SMYD4: variants seen among roughly 807,000 people sequenced by gnomAD.
SMYD4 encodes SET and MYND domain containing 4.
A neutral mutation model predicts 72.8 loss-of-function variants in SMYD4; 68 were observed. The ratio of observed to expected loss-of-function variants is 0.93; its 90% CI spans 0.77 to 1.14. The LOEUF is 1.14. Ranked by LOEUF, SMYD4 falls within the 50% of genes most tolerant of loss-of-function variation. The pLI, the probability that SMYD4 is intolerant of heterozygous loss-of-function variation, is 0.00. For synonymous variants in SMYD4, 407 were observed against 388.6 expected (o/e 1.05, Z -0.56); for missense variants, 984 against 1,003.7 (o/e 0.98, Z 0.27).
At chr17:1,828,750 C>T (rs1911346016) in intron 1 of SMYD4, among the ~76,000 whole-genome samples, 1 of 152,018 alleles carries the variant, frequency 6.6e-6, no homozygotes, top group Admixed American at 6.6e-5. Context: ...ATGCGCGCAA[C>T]TACGCCCGGC....
chr17:1,786,397 G>C (rs978985598), intron 7 of SMYD4, among the ~76,000 whole-genome samples: 3 of 152,046 alleles, frequency 2.0e-5, no homozygotes, highest in African/African-American at 4.8e-5. Flanking sequence ...TTTTTTGGTA[G>C]AGACAGGGTC....
At chr17:1,824,559 T>A (rs1354163765) in intron 2 of SMYD4, among the ~76,000 whole-genome samples, 1 of 152,044 alleles carries the variant, frequency 6.6e-6, no homozygotes. Flanking sequence ...GGGAGTGGTT[T>A]CCCCATGCTG....
intron 3 of SMYD4, among the ~76,000 whole-genome samples, chr17:1,810,038 T>C (rs969044328): frequency 2.0e-5 from 3 of 151,840 alleles, no homozygotes; most frequent in Non-Finnish European, 2.9e-5. Context: ...TAAACAATCC[T>C]CCTGCCTCAG....
intron 2 of SMYD4, among the ~76,000 whole-genome samples, chr17:1,815,252 CG>C (rs1169100170): frequency 6.6e-6 from 1 of 151,900 alleles, no homozygotes; most frequent in African/African-American, 2.4e-5. Flanking sequence ...TTAGTAGAGA[CG>C]GGGTTTCACC....
At position 1,828,079 on chromosome 17, in the gene SMYD4, G is replaced by C. The variant is rs535056218; in HGVS notation, c.-12-73C>G. On this transcript the variant is annotated intron_variant, in intron 1 of 10. Coordinates refer to ENST00000305513, the MANE Select transcript of SMYD4 (RefSeq NM_052928.3). The stretch of plus-strand genomic sequence containing the variant: ...GAAAATCAAGAGTTCAGCCAGGTAC[G>C]GTGGCTCACACCTGTAATCCCAGCA... 53 of 1,475,154 alleles carry C rather than the reference G, an allele frequency of 3.6e-5. No individual in the cohort carries two copies. In the South Asian group the frequency reaches 5.2e-4, roughly 15 times the overall value. 91.4% of individuals were successfully genotyped at this position (1,475,154 alleles called of 1,614,324 possible).
At chr17:1,806,496 T>C (rs1910041003) in intron 3 of SMYD4, among the ~76,000 whole-genome samples, 2 of 152,108 alleles carry the variant, frequency 1.3e-5, no homozygotes, top group South Asian at 2.1e-4. Flanking sequence ...AACAGGAAAA[T>C]AGGCAATGAT....
intron 2 of SMYD4, among the ~76,000 whole-genome samples, chr17:1,816,346 G>A (rs1300443391): frequency 6.6e-6 from 1 of 151,638 alleles, no homozygotes; most frequent in African/African-American, 2.4e-5. Context: ...TTGGCCAGGC[G>A]CGGTGGCTCA....
chr17:1,788,214 T>C (rs1442522437), intron 5 of SMYD4, among the ~76,000 whole-genome samples: 1 of 151,336 alleles, frequency 6.6e-6, no homozygotes, highest in Non-Finnish European at 1.5e-5. Flanking sequence ...TAGCCAGCTG[T>C]GGTGGTGCAC....
chr17:1,784,572 C>A (rs1483155019), intron 7 of SMYD4, 111 bp from the exon 8 acceptor site: 1 of 1,513,188 alleles, frequency 6.6e-7, no homozygotes, highest in Non-Finnish European at 8.8e-7. Context: ...GGGAAAGAGA[C>A]TCCTGTAACA....
chr17:1,793,374 C>A (rs1197663752), intron 5 of SMYD4, among the ~76,000 whole-genome samples: 2 of 151,236 alleles, frequency 1.3e-5, no homozygotes, highest in East Asian at 3.9e-4. Context: ...TGTACCCCGG[C>A]AGTTTTGGCT....
At chr17:1,792,992 A>G (rs963497278) in intron 5 of SMYD4, among the ~76,000 whole-genome samples, 1 of 151,916 alleles carries the variant, frequency 6.6e-6, no homozygotes, top group African/African-American at 2.4e-5. Flanking sequence ...ATCTCAGCTC[A>G]CGGCGGCCTC....
chr17:1,813,775 A>G (rs116035534), intron 2 of SMYD4, among the ~76,000 whole-genome samples: 1,616 of 152,230 alleles, frequency 0.011, 27 homozygotes, highest in African/African-American at 0.035. Context: ...TTTAAGAAAT[A>G]AATATACAAA....
rs184222196 is a variant in SMYD4, at chr17:1,810,009, G to C, written c.279+1962C>G. On this transcript the variant is annotated intron_variant, in intron 3 of 10. Coordinates refer to ENST00000305513, the MANE Select transcript of SMYD4 (RefSeq NM_052928.3). ...GGGGTCTTGCTATGTTGCCCAGGCT[G>C]GTCTTGAACTCCTGGGCTTAAACAA... Among the ~76,000 whole-genome samples, 562 of 151,832 alleles carry C rather than the reference G, an allele frequency of 3.7e-3. 8 individuals are homozygous for C. The highest frequency in any genetic ancestry group is 0.034 in the Admixed American group (518 of 15,230).
In SMYD4 at chr17:1,829,844, C is replaced by G. The variant is rs1321384789; in HGVS notation, c.-131G>C. ...AGCTCCTGGCGCGCCCCTTGGCGCC[C>G]CGCTCCGCCCCGCACCGCGTCCGGC... On this transcript the variant is annotated 5_prime_UTR_variant, in exon 1 of 11. Transcript: ENST00000305513. 1 of 306,134 alleles carries G rather than the reference C, an allele frequency of 3.3e-6. No individual in the cohort carries two copies. The highest frequency in any genetic ancestry group is 5.8e-6 in the Non-Finnish European group (1 of 171,212). The allele number at this position is 306,134 out of a possible 1,614,324, so 19.0% of individuals were successfully genotyped here.
chr17:1,795,078 C>T (rs1248596489), intron 5 of SMYD4, among the ~76,000 whole-genome samples: 1 of 152,170 alleles, frequency 6.6e-6, no homozygotes, highest in African/African-American at 2.4e-5. Flanking sequence ...TGGTCTCTAG[C>T]TTTTATCACC....
At chr17:1,793,671 C>T (rs559230467) in intron 5 of SMYD4, among the ~76,000 whole-genome samples, 1 of 152,096 alleles carries the variant, frequency 6.6e-6, no homozygotes, top group African/African-American at 2.4e-5. Context: ...CAATGTCAAG[C>T]TGCAAAGAGG....
intron 2 of SMYD4, among the ~76,000 whole-genome samples, chr17:1,822,220 T>C (rs1597398464): frequency 6.6e-6 from 1 of 151,802 alleles, no homozygotes; most frequent in Non-Finnish European, 1.5e-5. Context: ...GGTAACAGAG[T>C]GAGACTCTGA....
rs941878435 is a variant in SMYD4 at position 1,779,732 on chromosome 17, G to A, written c.*1554C>T. The A allele has an allele frequency of 6.6e-5, 10 of 152,364 alleles. No homozygotes were observed. Among genetic ancestry groups the A allele is most frequent in the African/African-American group, 2.4e-4 (10 of 41,450 alleles). 9.4% of individuals were successfully genotyped at this position (152,364 alleles called of 1,614,324 possible). ...TCTCTGGTCACGGTTCATACTCCAC[G>A]ATTTTAACAAAGGAGTCGAGGAAGC... On this transcript the variant is annotated 3_prime_UTR_variant, in exon 11 of 11. Transcript: ENST00000305513.
At chr17:1,802,806 A>C (rs2151236962) in intron 4 of SMYD4, among the ~76,000 whole-genome samples, 1 of 139,056 alleles carries the variant, frequency 7.2e-6, no homozygotes, top group South Asian at 2.2e-4. Flanking sequence ...CAGATGCCTC[A>C]GAGGTATCCT....
Sources: allele counts gnomAD v4.1 joint callset (sites outside exome capture counted in the v4.1 genomes callset), GRCh38; gene constraint gnomAD v4.1.1; transcripts MANE v1.5; gene names NCBI Gene and HGNC (gene_info 2026-07-23, HGNC 2026-07-21).